RFWD3: variants seen among roughly 807,000 people sequenced by gnomAD.
RFWD3 encodes E3 ubiquitin-protein ligase RFWD3.
RFWD3 carries 65 observed loss-of-function variants against 87.7 expected under a neutral mutation model. The observed-to-expected ratio is 0.74, with a 90% CI of 0.61 to 0.91. RFWD3 has a LOEUF of 0.91. Among genes scored for constraint, RFWD3 ranks in the 40% least tolerant of loss-of-function variants. The pLI, the probability that RFWD3 is intolerant of heterozygous loss-of-function variation, is 0.00. For synonymous variants in RFWD3, 433 were observed against 352.8 expected, an observed-to-expected ratio of 1.23 and a Z score of -2.55; for missense variants, 1,078 against 938.5, an observed-to-expected ratio of 1.15 and a Z score of -1.94.
chr16:74,643,998 C>T (rs185861732), intron 6 of RFWD3: 6 of 285,260 alleles, frequency 2.1e-5, no homozygotes, highest in African/African-American at 4.3e-5. Flanking sequence ...TTTGTGCTTC[C>T]GAAATCCTGG....
intron 12 of RFWD3, among the ~76,000 whole-genome samples, chr16:74,625,844 G>C (rs1233065700): frequency 6.6e-6 from 1 of 152,154 alleles, no homozygotes; most frequent in Non-Finnish European, 1.5e-5. Flanking sequence ...TGTGACTAGT[G>C]TGACTGTACT....
chr16:74,649,563 G>C (rs907730040), intron 3 of RFWD3, among the ~76,000 whole-genome samples: 1 of 151,988 alleles, frequency 6.6e-6, no homozygotes, highest in Non-Finnish European at 1.5e-5. Context: ...CATTATACTT[G>C]CAAAAACTTC....
chr16:74,662,592 G>T (rs1249294832), intron 1 of RFWD3, among the ~76,000 whole-genome samples: 2 of 152,306 alleles, frequency 1.3e-5, no homozygotes, highest in East Asian at 1.9e-4. Flanking sequence ...TTGGGCTGAG[G>T]CATGAAGGAT....
rs753155721 is a variant in RFWD3 at position 74,644,372 on chromosome 16, G to A, written c.1069C>T (p.Arg357Cys). The change falls in exon 6 of 13, where the codon CGC (arginine) becomes TGC (cysteine). Residue 357 changes from arginine to cysteine, a missense_variant. Transcript: ENST00000361070. ...LRALDTSEQERMKSSLLKEQM... is the reference protein window; with the variant it reads ...LRALDTSEQECMKSSLLKEQM... ...ACTCTTACCACCTACCTTTTCATGC[G>A]CTCCTGTTCACTAGTGTCCAAAGCT... is the stretch of plus-strand genomic sequence containing the variant. The A allele has an allele frequency of 1.3e-5, 21 of 1,614,000 alleles. No homozygotes were observed. Among genetic ancestry groups the A allele is most frequent in the Middle Eastern group, 1.7e-4 (1 of 6,036 alleles).
intron 6 of RFWD3, among the ~76,000 whole-genome samples, chr16:74,641,467 C>T (rs1959638528): frequency 2.1e-5 from 2 of 94,802 alleles, no homozygotes. Context: ...CTGGCCTAAA[C>T]AGATTAATTT....
At chr16:74,638,255 A>C (rs1959320335) in intron 6 of RFWD3, among the ~76,000 whole-genome samples, 1 of 152,176 alleles carries the variant, frequency 6.6e-6, no homozygotes, top group Non-Finnish European at 1.5e-5. Flanking sequence ...GCAAATTGTA[A>C]AAGATTAAAC....
intron 11 of RFWD3, among the ~76,000 whole-genome samples, chr16:74,627,882 G>C (rs1958981777): frequency 6.6e-6 from 1 of 152,190 alleles, no homozygotes. Flanking sequence ...AAAAAACCTA[G>C]AACACTGACC....
Position 74,626,198 on chromosome 16 carries a change from A to G in RFWD3, c.2181+145T>C, listed in dbSNP as rs1346555648. The G allele has an allele frequency of 4.3e-6, 3 of 693,608 alleles. No homozygotes were observed. The South Asian group carries it at 5.4e-5, about 12-fold the overall frequency. 43.0% of individuals were successfully genotyped at this position (693,608 alleles called of 1,614,324 possible). A position where few individuals can be genotyped will look rare whatever the true frequency, so the allele number is the denominator to read the frequency against. The stretch of plus-strand genomic sequence containing the variant: ...ATGGAAACCAAGCAATCTCACATAC[A>G]CACATATGCGGATATGTGGGATTAC... On this transcript the variant is annotated intron_variant, in intron 12 of 12. Transcript: ENST00000361070.
At chr16:74,653,019 G>A (rs1049941288) in intron 2 of RFWD3, among the ~76,000 whole-genome samples, 2 of 152,112 alleles carry the variant, frequency 1.3e-5, no homozygotes, top group Admixed American at 6.6e-5. Flanking sequence ...AGGAGTTCCT[G>A]AGGAAGGATC....
At chr16:74,649,823 T>C (rs966986912) in intron 3 of RFWD3, among the ~76,000 whole-genome samples, 35 of 152,300 alleles carry the variant, frequency 2.3e-4, no homozygotes, top group Admixed American at 5.2e-4. Context: ...CCCATTTTTT[T>C]CCCCTCTGTT....
At chr16:74,657,975 G>C (rs1398441001) in intron 2 of RFWD3, among the ~76,000 whole-genome samples, 1 of 152,092 alleles carries the variant, frequency 6.6e-6, no homozygotes, top group Non-Finnish European at 1.5e-5. Flanking sequence ...AAAAGTGATA[G>C]ACGATTAAAA....
intron 7 of RFWD3, 59 bp from the exon 8 acceptor site, chr16:74,636,636 A>G: frequency 8.1e-7 from 1 of 1,229,828 alleles, no homozygotes; most frequent in East Asian, 2.5e-5. Context: ...CCCCTCAAAT[A>G]CAATTCCTTG....
chr16:74,625,514 GAAA>G (rs34657625), intron 12 of RFWD3, among the ~76,000 whole-genome samples: 1 of 143,116 alleles, frequency 7.0e-6, no homozygotes, highest in Non-Finnish European at 1.5e-5. Flanking sequence ...ACCGTCTCAA[GAAA>G]AAAAAAAAAA....
chr16:74,644,232 A>G, intron 6 of RFWD3, 130 bp downstream of exon 6: 2 of 831,480 alleles, frequency 2.4e-6, no homozygotes. Context: ...CAGACTGCCA[A>G]TGATCCCCAG....
At chr16:74,643,249 G>A (rs189090549) in intron 6 of RFWD3, among the ~76,000 whole-genome samples, 1 of 152,206 alleles carries the variant, frequency 6.6e-6, no homozygotes, top group East Asian at 1.9e-4. Flanking sequence ...CCAAAGTGCT[G>A]GGATTACAAG....
chr16:74,634,945 C>G (rs1360311538), intron 8 of RFWD3, among the ~76,000 whole-genome samples: 3 of 151,908 alleles, frequency 2.0e-5, no homozygotes, highest in African/African-American at 7.3e-5. Context: ...AGTTGGAGAC[C>G]AGCCTGACCA....
rs12925578 is a variant in RFWD3 at position 74,635,678 on chromosome 16, T to C, written c.1426+668A>G. On this transcript the variant is annotated intron_variant, in intron 8 of 12. Coordinates refer to ENST00000361070, the MANE Select transcript of RFWD3 (RefSeq NM_018124.4). ...TTTTATTTGATGATAAATCTTTTTA[T>C]TAAAAACTTAGATGGGATAAAGGAA... Among the ~76,000 whole-genome samples, 780 of 152,318 alleles carry C rather than the reference T, an allele frequency of 5.1e-3. 6 individuals are homozygous for C. The highest frequency in any genetic ancestry group is 8.4e-3 in the Non-Finnish European group (572 of 68,010).
chr16:74,632,051 T>C (rs939744550), intron 9 of RFWD3, among the ~76,000 whole-genome samples: 1 of 152,146 alleles, frequency 6.6e-6, no homozygotes, highest in African/African-American at 2.4e-5. Flanking sequence ...AAAAGCAATA[T>C]ATTTTAAATG....
chr16:74,665,918 G>A (rs1474437471), intron 1 of RFWD3, among the ~76,000 whole-genome samples: 1 of 151,986 alleles, frequency 6.6e-6, no homozygotes, highest in Non-Finnish European at 1.5e-5. Flanking sequence ...GGCTGGTCTC[G>A]AACTCCTGGC....
Sources: allele counts gnomAD v4.1 joint callset (sites outside exome capture counted in the v4.1 genomes callset), GRCh38; gene constraint gnomAD v4.1.1; transcripts MANE v1.5; gene names NCBI Gene and HGNC (gene_info 2026-07-23, HGNC 2026-07-21).